Variants in CUL3 observed in about 807,000 individuals in gnomAD.
The protein encoded by CUL3 is cullin 3.
Under a neutral mutation model 89.1 loss-of-function variants are expected in CUL3, and 19 were observed. That is an observed-to-expected ratio of 0.21 (90% CI 0.15 to 0.31). The LOEUF (loss-of-function observed/expected upper bound fraction) is 0.31, where lower values mean the gene tolerates loss of function less well. Among genes scored for constraint, CUL3 ranks in the 10% least tolerant of loss-of-function variants. The pLI, the probability that CUL3 is intolerant of heterozygous loss-of-function variation, is 1.00. For missense variants in CUL3, 469 were observed against 942.3 expected (o/e 0.50, Z 6.58); for synonymous variants, 351 against 308.4 (o/e 1.14, Z -1.45).
chr2:224,579,990 C>T (rs2106327200), intron 1 of CUL3, among the ~76,000 whole-genome samples: 1 of 152,280 alleles, frequency 6.6e-6, no homozygotes. Flanking sequence ...ATAAAAGGTT[C>T]ACCTGAAAGC....
At chr2:224,551,440 C>T (rs1407892551) in intron 2 of CUL3, among the ~76,000 whole-genome samples, 4 of 151,896 alleles carry the variant, frequency 2.6e-5, no homozygotes, top group Non-Finnish European at 5.9e-5. Flanking sequence ...CTCCTGACCT[C>T]GTGATCTGCC....
intron 2 of CUL3, among the ~76,000 whole-genome samples, chr2:224,553,559 T>C (rs1298490778): frequency 1.3e-5 from 2 of 152,248 alleles, no homozygotes; most frequent in Non-Finnish European, 2.9e-5. Context: ...TGAATGTTTG[T>C]GTTATTCAAA....
chr2:224,495,801 C>A, intron 13 of CUL3, 31 bp downstream of exon 13: 1 of 1,559,316 alleles, frequency 6.4e-7, no homozygotes, highest in Non-Finnish European at 8.8e-7. Context: ...AGAAACAACA[C>A]AGTTAAAATG....
intron 5 of CUL3, 45 bp from the exon 6 acceptor site, chr2:224,511,627 AG>A: frequency 8.6e-7 from 1 of 1,166,284 alleles, no homozygotes; most frequent in African/African-American, 1.6e-5. Context: ...AGAAGAAAAG[AG>A]TGTTTTTGCT....
chr2:224,560,645 T>C (rs1694873196), intron 1 of CUL3: 1 of 152,596 alleles, frequency 6.6e-6, no homozygotes, highest in Admixed American at 6.6e-5. Context: ...ATTCAACTCT[T>C]TCTCACCACT....
intron 1 of CUL3, among the ~76,000 whole-genome samples, chr2:224,568,985 T>C (rs1412826068): frequency 1.3e-5 from 2 of 152,192 alleles, no homozygotes; most frequent in Non-Finnish European, 2.9e-5. Context: ...ATTTTTTAAA[T>C]GCCTAAATGT....
At chr2:224,487,775 C>T (rs1408637081) in intron 13 of CUL3, among the ~76,000 whole-genome samples, 1 of 152,126 alleles carries the variant, frequency 6.6e-6, no homozygotes, top group Non-Finnish European at 1.5e-5. Context: ...ACTCTCCATC[C>T]CACATCAACA....
At chr2:224,512,429 G>A (rs575531610) in intron 5 of CUL3, among the ~76,000 whole-genome samples, 3 of 152,028 alleles carry the variant, frequency 2.0e-5, no homozygotes, top group Admixed American at 6.5e-5. Flanking sequence ...CATCTGTTTT[G>A]GCAACACTAC....
At position 224,538,398 on chromosome 2, in the gene CUL3, C is replaced by T. The variant is rs1254158211; in HGVS notation, c.265-2757G>A. Among the ~76,000 whole-genome samples the T allele has an allele frequency of 2.0e-5, 3 of 152,074 alleles. No individual in the cohort carries two copies. The East Asian group carries it at 5.8e-4, about 29-fold the overall frequency. ...GATGGTTAAGTTGGCACATAAACTA[C>T]ACATTAAGTGAAAAAAGGATCTTTA... On this transcript the variant is annotated intron_variant, in intron 2 of 15. Coordinates refer to ENST00000264414, the MANE Select transcript of CUL3 (RefSeq NM_003590.5).
At position 224,507,137 on chromosome 2, in the gene CUL3, T is replaced by C. The variant is rs960385823; in HGVS notation, c.884-134A>G. Reference sequence around the variant, plus strand: ...TTGCTGACCACATGACTATTAAAAATATACATATATTGATATGAAAACATG... The same window carrying C: ...TTGCTGACCACATGACTATTAAAAACATACATATATTGATATGAAAACATG... On this transcript the variant is annotated intron_variant, in intron 6 of 15. Transcript: ENST00000264414. 4 of 612,028 alleles carry C rather than the reference T, an allele frequency of 6.5e-6. No individual in the cohort carries two copies. In the African/African-American group the frequency reaches 7.5e-5, roughly 12 times the overall value. 37.9% of individuals were successfully genotyped at this position (612,028 alleles called of 1,614,324 possible).
At chr2:224,516,172 C>G (rs554882248) in intron 3 of CUL3, among the ~76,000 whole-genome samples, 1 of 152,274 alleles carries the variant, frequency 6.6e-6, no homozygotes, top group South Asian at 2.1e-4. Flanking sequence ...AGCACAAGCT[C>G]ACATCACATT....
At chr2:224,562,941 C>G (rs1457938551) in intron 1 of CUL3, 1 of 181,150 alleles carries the variant, frequency 5.5e-6, no homozygotes, top group African/African-American at 2.4e-5. Context: ...GTCCTGGGTT[C>G]AATAACAGCA....
At chr2:224,504,900 T>G in intron 8 of CUL3, among the ~76,000 whole-genome samples, 1 of 152,048 alleles carries the variant, frequency 6.6e-6, no homozygotes, top group East Asian at 1.9e-4. Flanking sequence ...GTTCCAGAGA[T>G]ATCATATATC....
intron 13 of CUL3, among the ~76,000 whole-genome samples, chr2:224,493,491 C>G (rs1428038579): frequency 1.3e-5 from 2 of 152,184 alleles, no homozygotes; most frequent in African/African-American, 4.8e-5. Flanking sequence ...TCTATATACA[C>G]TACAATCAGT....
chr2:224,510,632 T>A (rs1298677714), intron 6 of CUL3, among the ~76,000 whole-genome samples: 1 of 152,150 alleles, frequency 6.6e-6, no homozygotes, highest in Non-Finnish European at 1.5e-5. Context: ...ATATAAGTGG[T>A]AAAGGCAAAG....
At chr2:224,583,055 A>AGT (rs1199978591) in intron 1 of CUL3, among the ~76,000 whole-genome samples, 1 of 152,214 alleles carries the variant, frequency 6.6e-6, no homozygotes, top group Non-Finnish European at 1.5e-5. Context: ...AGAATTGAGT[A>AGT]GTGTAAGGCT....
intron 15 of CUL3, among the ~76,000 whole-genome samples, chr2:224,474,692 T>C (rs1038835516): frequency 2.0e-5 from 3 of 152,216 alleles, no homozygotes; most frequent in African/African-American, 7.2e-5. Flanking sequence ...TTCTGAGTTA[T>C]ACTCAAAACT....
At position 224,509,090 on chromosome 2, in the gene CUL3, C is replaced by T. The variant is rs1308052219; in HGVS notation, c.884-2087G>A. 2.0e-5 allele frequency among the ~76,000 whole-genome samples: 3 copies of T among 152,096 alleles called. No homozygotes were observed. In the East Asian group the frequency reaches 5.8e-4, roughly 29 times the overall value. ...TTTCTGATTTATGAGAATTTGGCTT[C>T]ATAATGGTGAAGTTGGCTCTGCTAT... On this transcript the variant is annotated intron_variant, in intron 6 of 15. Transcript: ENST00000264414.
intron 3 of CUL3, among the ~76,000 whole-genome samples, chr2:224,535,131 C>T (rs926559202): frequency 1.3e-5 from 2 of 152,104 alleles, no homozygotes; most frequent in South Asian, 2.1e-4. Context: ...ACAAAAACCA[C>T]CTTCCACACT....
Sources: allele counts gnomAD v4.1 joint callset (sites outside exome capture counted in the v4.1 genomes callset), GRCh38; gene constraint gnomAD v4.1.1; transcripts MANE v1.5; gene names NCBI Gene and HGNC (gene_info 2026-07-23, HGNC 2026-07-21).